Variants in COL24A1 observed in about 807,000 individuals in gnomAD.
The protein encoded by COL24A1 is collagen alpha-1(XXIV) chain.
In COL24A1, 224 loss-of-function variants were observed where a neutral mutation model predicts 253.9. The ratio of observed to expected loss-of-function variants is 0.88; its 90% CI spans 0.79 to 0.99. COL24A1 has a LOEUF of 0.99. Ranked by LOEUF, COL24A1 falls within the 50% of genes least tolerant of loss-of-function variation. The probability of loss-of-function intolerance (pLI) is 0.00; values close to 1 mark genes in which losing one functional copy is unlikely to be tolerated. For missense variants in COL24A1, 2,131 were observed against 2,068.5 expected, an observed-to-expected ratio of 1.03 and a Z score of -0.59; for synonymous variants, 685 against 673.7, an observed-to-expected ratio of 1.02 and a Z score of -0.26.
chr1:85,824,750 C>T (rs192286519), intron 43 of COL24A1, among the ~76,000 whole-genome samples: 26 of 152,116 alleles, frequency 1.7e-4, no homozygotes, highest in Admixed American at 1.3e-3. Context: ...AATAATTCTG[C>T]GTGTAAATTC....
intron 31 of COL24A1, among the ~76,000 whole-genome samples, chr1:85,891,545 A>G (rs972229641): frequency 6.6e-6 from 1 of 152,194 alleles, no homozygotes; most frequent in African/African-American, 2.4e-5. Flanking sequence ...TGCTATGTTC[A>G]GTTTTTCTGG....
Position 86,033,941 on chromosome 1 carries a change from G to T in COL24A1, c.1951-18C>A. On this transcript the variant is annotated intron_variant, in intron 12 of 59. Coordinates refer to ENST00000370571, the MANE Select transcript of COL24A1 (RefSeq NM_152890.7). ...GGAAAACCCTGTCACAGGGAAAGAG[G>T]AAGAATGCCAACATATATAAATAAT... 1 of 1,581,080 alleles carries T rather than the reference G, an allele frequency of 6.3e-7. No homozygotes were observed. Among genetic ancestry groups the T allele is most frequent in the East Asian group, 2.3e-5 (1 of 43,454 alleles).
At chr1:85,949,906 C>T (rs1035706343) in intron 24 of COL24A1, among the ~76,000 whole-genome samples, 1 of 152,104 alleles carries the variant, frequency 6.6e-6, no homozygotes, top group African/African-American at 2.4e-5. Context: ...TCCCTCCTCC[C>T]TTTTACTGTA....
chr1:85,829,857 CT>C (rs1674942939), intron 43 of COL24A1, among the ~76,000 whole-genome samples: 3 of 151,926 alleles, frequency 2.0e-5, no homozygotes, highest in Admixed American at 6.6e-5. Context: ...ACTTCTTTGC[CT>C]TTGGTTTGAA....
intron 20 of COL24A1, among the ~76,000 whole-genome samples, chr1:85,985,587 G>A (rs1349096736): frequency 6.6e-6 from 1 of 151,778 alleles, no homozygotes; most frequent in African/African-American, 2.4e-5. Context: ...ATTGGAGGCA[G>A]GAAGAACAAC....
rs528139132 is a variant in COL24A1 at position 85,818,306 on chromosome 1, T to G, written c.3790-219A>C. ...TAGTAATTTCCTTGTAGCTCTCAAT[T>G]ATATGATTTAAGAATTTAAACTGTA... On this transcript the variant is annotated intron_variant, in intron 45 of 59. Coordinates refer to ENST00000370571, the MANE Select transcript of COL24A1 (RefSeq NM_152890.7). Among the ~76,000 whole-genome samples, 13 of 152,306 alleles carry G rather than the reference T, an allele frequency of 8.5e-5. No homozygotes were observed. The East Asian group carries it at 2.5e-3, about 29-fold the overall frequency.
intron 7 of COL24A1, among the ~76,000 whole-genome samples, chr1:86,067,382 G>A (rs922142351): frequency 6.6e-5 from 10 of 152,082 alleles, no homozygotes; most frequent in African/African-American, 2.4e-4. Flanking sequence ...TGATACCTAA[G>A]CCCTTGAAAA....
intron 2 of COL24A1, among the ~76,000 whole-genome samples, chr1:86,139,262 C>G (rs1011678021): frequency 6.6e-6 from 1 of 151,742 alleles, no homozygotes; most frequent in Non-Finnish European, 1.5e-5. Context: ...GAAATTAAGT[C>G]TTAGTAGAGG....
intron 24 of COL24A1, among the ~76,000 whole-genome samples, chr1:85,956,995 A>G (rs1690527957): frequency 6.6e-6 from 1 of 152,222 alleles, no homozygotes; most frequent in African/African-American, 2.4e-5. Flanking sequence ...GACTGGATAA[A>G]GAAAATGTGA....
chr1:86,000,911 T>A (rs1301913846), intron 19 of COL24A1, among the ~76,000 whole-genome samples: 1 of 152,216 alleles, frequency 6.6e-6, no homozygotes, highest in East Asian at 1.9e-4. Flanking sequence ...AAGAAGGTGC[T>A]CTGCTGCCAG....
chr1:86,029,876 C>T (rs1480515476), intron 14 of COL24A1: 1 of 151,930 alleles, frequency 6.6e-6, no homozygotes, highest in Non-Finnish European at 1.5e-5. Context: ...AGCACAATCA[C>T]ATATTTGAAA....
intron 24 of COL24A1, among the ~76,000 whole-genome samples, chr1:85,941,800 T>G (rs1162166377): frequency 6.6e-6 from 1 of 152,148 alleles, no homozygotes; most frequent in East Asian, 1.9e-4. Context: ...GTCTAATCTT[T>G]TAAACTTACT....
At chr1:86,043,023 T>C (rs1458750544) in intron 12 of COL24A1, among the ~76,000 whole-genome samples, 1 of 152,180 alleles carries the variant, frequency 6.6e-6, no homozygotes, top group South Asian at 2.1e-4. Flanking sequence ...TTCATGGCTA[T>C]TGCTTTCACT....
At chr1:86,031,971 C>A in intron 13 of COL24A1, 49 bp from the exon 14 acceptor site, 1 of 1,447,422 alleles carries the variant, frequency 6.9e-7, no homozygotes, top group Non-Finnish European at 9.6e-7. Flanking sequence ...TTCCCAACTA[C>A]TAAGGGTATT....
chr1:85,984,983 T>G (rs552579727), intron 20 of COL24A1, among the ~76,000 whole-genome samples: 1 of 151,996 alleles, frequency 6.6e-6, no homozygotes, highest in South Asian at 2.1e-4. Flanking sequence ...TAATCATCCA[T>G]TCAACCACTA....
chr1:85,874,781 C>T lies in COL24A1; in HGVS notation c.3085-79G>A, dbSNP rs72952570. 7.5e-3 allele frequency: 11,295 copies of T among 1,504,508 alleles called. 630 individuals are homozygous for T. In the African/African-American group the frequency reaches 0.13, roughly 17 times the overall value. The allele number at this position is 1,504,508 out of a possible 1,614,324, so 93.2% of individuals were successfully genotyped here. On this transcript the variant is annotated intron_variant, in intron 34 of 59. Coordinates refer to ENST00000370571, the MANE Select transcript of COL24A1 (RefSeq NM_152890.7). ...ATTATGGAGGGCATGCCATACGGCACAGTTCCCCAACGCCTGGGCCGTAGA... is the reference window on the plus strand; with the variant it reads ...ATTATGGAGGGCATGCCATACGGCATAGTTCCCCAACGCCTGGGCCGTAGA...
intron 31 of COL24A1, among the ~76,000 whole-genome samples, chr1:85,892,696 A>G (rs1443609559): frequency 1.3e-5 from 2 of 152,130 alleles, no homozygotes; most frequent in Non-Finnish European, 2.9e-5. Flanking sequence ...TAGATGTAAT[A>G]CATAAAATAA....
intron 3 of COL24A1, among the ~76,000 whole-genome samples, chr1:86,118,841 G>A (rs182704781): frequency 2.3e-4 from 35 of 152,116 alleles, no homozygotes; most frequent in Admixed American, 2.3e-3. Context: ...GAGGCCATGA[G>A]TAAAACAAAA....
chr1:85,745,582 G>A, intron 55 of COL24A1, 76 bp from the exon 56 acceptor site: 6 of 1,005,184 alleles, frequency 6.0e-6, no homozygotes, highest in Non-Finnish European at 9.0e-6. Flanking sequence ...TGTAAATTCT[G>A]AAAGCACTGC....
Sources: gnomAD v4.1 joint callset for allele counts (sites outside exome capture counted in the v4.1 genomes callset) on GRCh38, gnomAD v4.1.1 for gene constraint, MANE v1.5 for transcripts, NCBI Gene and HGNC (gene_info 2026-07-23, HGNC 2026-07-21) for gene names.